The following DIP2C variants were observed in gnomAD, a reference collection of about 807,000 sequenced individuals.
The protein encoded by DIP2C is disco-interacting protein 2 homolog C.
In DIP2C, 33 loss-of-function variants were observed where a neutral mutation model predicts 192.4. That is an observed-to-expected ratio of 0.17 (90% confidence interval 0.13 to 0.23). The LOEUF (loss-of-function observed/expected upper bound fraction) is 0.23. DIP2C is among the 10% of genes least tolerant of loss of function. DIP2C has a pLI of 1.00. For missense variants in DIP2C, 1,537 were observed against 2,110.1 expected (o/e 0.73, Z 5.32); for synonymous variants, 979 against 864.1 (o/e 1.13, Z -2.33).
chr10:384,931 C>T (rs1962749595), intron 14 of DIP2C, among the ~76,000 whole-genome samples: 1 of 151,416 alleles, frequency 6.6e-6, no homozygotes, highest in Non-Finnish European at 1.5e-5. Flanking sequence ...CCGCGGACAC[C>T]AGGCTGCACG....
chr10:329,626 G>A (rs1339272460), intron 29 of DIP2C, 25 bp from the exon 30 acceptor site: 2 of 1,609,512 alleles, frequency 1.2e-6, no homozygotes, highest in Admixed American at 3.4e-5. Flanking sequence ...GAGGCTGTCA[G>A]GGCGGGAGCT....
intron 32 of DIP2C, among the ~76,000 whole-genome samples, chr10:289,450 TAG>T (rs1240120544): frequency 1.3e-5 from 2 of 152,132 alleles, no homozygotes; most frequent in Non-Finnish European, 2.9e-5. Context: ...TAAGTTTCTG[TAG>T]AGAGGAGATC....
chr10:592,617 C>T (rs1851465938), intron 1 of DIP2C, among the ~76,000 whole-genome samples: 1 of 152,136 alleles, frequency 6.6e-6, no homozygotes, highest in African/African-American at 2.4e-5. Flanking sequence ...TCCTGGGATT[C>T]AGAAACTAAT....
In DIP2C at chr10:636,653, C is replaced by T. The variant is rs1025528765; in HGVS notation, c.85+52841G>A. On this transcript the variant is annotated intron_variant, in intron 1 of 36. Transcript: ENST00000280886. The surrounding 1 kb of genome is among the most constrained non-coding windows in gnomAD (Gnocchi z 4.6). ...ACGTCTTTTCTATCTGGGCCACACACTGCGCCGAGTGACTCTCCTTCCCCA... is the reference window on the plus strand; with the variant it reads ...ACGTCTTTTCTATCTGGGCCACACATTGCGCCGAGTGACTCTCCTTCCCCA... 4.6e-5 allele frequency among the ~76,000 whole-genome samples: 7 copies of T among 152,230 alleles called. No homozygotes were observed. Among genetic ancestry groups the T allele is most frequent in the African/African-American group, 1.7e-4 (7 of 41,466 alleles).
At chr10:539,243 G>C (rs1484196089) in intron 1 of DIP2C, among the ~76,000 whole-genome samples, 1 of 152,064 alleles carries the variant, frequency 6.6e-6, no homozygotes, top group Non-Finnish European at 1.5e-5. Context: ...TATTTATTTT[G>C]CTTCTAGAGT....
chr10:289,548 G>A (rs150999859), intron 32 of DIP2C, among the ~76,000 whole-genome samples: 185 of 152,284 alleles, frequency 1.2e-3, no homozygotes, highest in African/African-American at 4.3e-3. Context: ...GATTACAGGT[G>A]TAGCCACCAT....
chr10:400,893 T>C (rs549065292), intron 9 of DIP2C, among the ~76,000 whole-genome samples: 8 of 151,596 alleles, frequency 5.3e-5, no homozygotes, highest in African/African-American at 1.5e-4. Context: ...CTCTTCCTTA[T>C]GGACAAGTTT....
At chr10:617,075 C>T (rs572591751) in intron 1 of DIP2C, among the ~76,000 whole-genome samples, 5 of 152,300 alleles carry the variant, frequency 3.3e-5, no homozygotes, top group South Asian at 2.1e-4. Context: ...GAGCACACAA[C>T]GGGGTTCACA....
At chr10:344,147 T>C (rs1321146682) in intron 28 of DIP2C, among the ~76,000 whole-genome samples, 1 of 152,156 alleles carries the variant, frequency 6.6e-6, no homozygotes, top group Non-Finnish European at 1.5e-5. Context: ...GCTATGACAG[T>C]GGGAGGGTCA....
intron 1 of DIP2C, among the ~76,000 whole-genome samples, chr10:603,302 A>T (rs1204008684): frequency 2.4e-5 from 1 of 41,726 alleles, no homozygotes; most frequent in Non-Finnish European, 6.1e-5. Flanking sequence ...CCATCTCAAA[A>T]AAAAAAAAAA....
chr10:382,443 G>T, intron 17 of DIP2C: 1 of 505,808 alleles, frequency 2.0e-6, no homozygotes, highest in Middle Eastern at 5.1e-4. Flanking sequence ...TGCAGAGAGC[G>T]ATAAATGTTT....
Position 408,989 on chromosome 10 carries a change from G to A in DIP2C, c.1086C>T (p.Val362=), listed in dbSNP as rs749244989. Residue 362 remains valine, a synonymous_variant, in exon 9 of 37, where the codon GTC becomes GTT. Transcript: ENST00000280886. ...CTAATTTGTGTAGAATGCTGTAAGC[G>A]ACCTTCATACTTCTTGTCCACAGCT... ...YGKLWTRSMK[V]AYSILHKLGT... 1.1e-5 allele frequency: 17 copies of A among 1,614,006 alleles called. No individual in the cohort carries two copies. Among genetic ancestry groups the A allele is most frequent in the African/African-American group, 6.7e-5 (5 of 74,904 alleles).
chr10:660,648 G>A (rs1365965825), intron 1 of DIP2C, among the ~76,000 whole-genome samples: 3 of 152,234 alleles, frequency 2.0e-5, no homozygotes, highest in Admixed American at 1.3e-4. Context: ...AGGGCACAAT[G>A]AGGACTTTTT....
chr10:415,944 C>T (rs1471589014), intron 6 of DIP2C, 56 bp from the exon 7 acceptor site: 11 of 1,598,208 alleles, frequency 6.9e-6, no homozygotes, highest in Non-Finnish European at 9.4e-6. Context: ...TCAATGAGCA[C>T]CCACAGTCCC....
chr10:603,225 G>C (rs769212542), intron 1 of DIP2C, among the ~76,000 whole-genome samples: 3 of 146,626 alleles, frequency 2.0e-5, no homozygotes, highest in African/African-American at 2.5e-5. Context: ...TTGAGCACAG[G>C]GGGGCGGGGG....
Position 485,690 on chromosome 10 carries a change from A to G in DIP2C, c.157+769T>C, listed in dbSNP as rs560509853. On this transcript the variant is annotated intron_variant, in intron 2 of 36. Transcript: ENST00000280886. The stretch of plus-strand genomic sequence containing the variant: ...CATGTGCATCCTTAAACCTTCTAAA[A>G]TCTTCTTTCAATGGTAAGAACTATG... Among the ~76,000 whole-genome samples, 13 of 152,274 alleles carry G rather than the reference A, an allele frequency of 8.5e-5. No homozygotes were observed. The South Asian group carries it at 1.0e-3, about 12-fold the overall frequency.
Position 472,625 on chromosome 10 carries a change from C to T in DIP2C, c.158-76G>A, listed in dbSNP as rs910889293. On this transcript the variant is annotated intron_variant, in intron 2 of 36. Transcript: ENST00000280886. ...TCAGCAGACTCTAACAAATCATGCCCTCCATCCCCACAGCAAAGCCAGAGC... is the reference window on the plus strand; with the variant it reads ...TCAGCAGACTCTAACAAATCATGCCTTCCATCCCCACAGCAAAGCCAGAGC... 6.4e-5 allele frequency: 83 copies of T among 1,300,620 alleles called. No homozygotes were observed. In the African/African-American group the frequency reaches 7.9e-4, roughly 12 times the overall value. The allele number at this position is 1,300,620 out of a possible 1,614,324, so 80.6% of individuals were successfully genotyped here. A position where few individuals can be genotyped will look rare whatever the true frequency, so the allele number is the denominator to read the frequency against.
intron 1 of DIP2C, among the ~76,000 whole-genome samples, chr10:534,993 C>G (rs1293918774): frequency 6.6e-6 from 1 of 152,144 alleles, no homozygotes; most frequent in African/African-American, 2.4e-5. Context: ...TTATTTTTAA[C>G]AATAGGTACT....
intron 6 of DIP2C, among the ~76,000 whole-genome samples, chr10:417,459 T>C (rs987816507): frequency 1.3e-5 from 2 of 152,084 alleles, no homozygotes; most frequent in Non-Finnish European, 2.9e-5. Context: ...CTAAAGCAAA[T>C]AATGACACCA....
Sources: allele counts gnomAD v4.1 joint callset (sites outside exome capture counted in the v4.1 genomes callset), GRCh38; gene constraint gnomAD v4.1.1; non-coding constraint Gnocchi (gnomAD v3.1); transcripts MANE v1.5; gene names NCBI Gene and HGNC (gene_info 2026-07-23, HGNC 2026-07-21).